Variants in NTRK3 observed in about 807,000 individuals in gnomAD.
The protein encoded by NTRK3 is neurotrophic receptor tyrosine kinase 3.
Under a neutral mutation model 91.7 loss-of-function variants are expected in NTRK3, and 24 were observed. The ratio of observed to expected loss-of-function variants is 0.26; its 90% CI spans 0.19 to 0.37. The LOEUF (loss-of-function observed/expected upper bound fraction) is 0.37. NTRK3 is among the 10% of genes least tolerant of loss of function. The pLI, the probability that NTRK3 is intolerant of heterozygous loss-of-function variation, is 1.00. For missense variants in NTRK3, 880 were observed against 1,068.9 expected, an observed-to-expected ratio of 0.82 and a Z score of 2.46; for synonymous variants, 483 against 404.0, an observed-to-expected ratio of 1.20 and a Z score of -2.34.
At chr15:87,930,879 C>CATGACTTGGCTTCTAGACA (rs2068736081) in intron 16 of NTRK3, among the ~76,000 whole-genome samples, 1 of 152,122 alleles carries the variant, frequency 6.6e-6, no homozygotes, top group Admixed American at 6.5e-5. Context: ...TTTAGAGAGA[C>CATGACTTGGCTTCTAGACA]TCCCCCATGC....
At chr15:87,869,965 T>C (rs1389940710) in exon 19 of NTRK3, 2 of 192,506 alleles carry the variant, frequency 1.0e-5, no homozygotes, top group Non-Finnish European at 2.2e-5. Flanking sequence ...CTTCAGTGTT[T>C]ACACGTCTTG....
intron 14 of NTRK3, among the ~76,000 whole-genome samples, chr15:88,005,810 A>G (rs751709408): frequency 1.3e-5 from 2 of 152,174 alleles, no homozygotes; most frequent in Non-Finnish European, 2.9e-5. Flanking sequence ...CCCCTTCAAC[A>G]AAGTTTTTAC....
At chr15:88,011,385 G>GT (rs2076870720) in intron 14 of NTRK3, among the ~76,000 whole-genome samples, 1 of 152,168 alleles carries the variant, frequency 6.6e-6, no homozygotes, top group African/African-American at 2.4e-5. Flanking sequence ...TAGTAAGTCT[G>GT]TAAGGACTTA....
rs145302188 is a variant in NTRK3, at chr15:88,017,782, C to G, written c.1585+15075G>C. ...ACCAGCCATGATTTAGTTAAAGCTCCTAAGTAACAAATCCCCACAAATCCC... is the reference window on the plus strand; with the variant it reads ...ACCAGCCATGATTTAGTTAAAGCTCGTAAGTAACAAATCCCCACAAATCCC... On this transcript the variant is annotated intron_variant, in intron 14 of 18. Transcript: ENST00000394480. Among the ~76,000 whole-genome samples, 33 of 152,274 alleles carry G rather than the reference C, an allele frequency of 2.2e-4. No individual in the cohort carries two copies. The East Asian group carries it at 4.4e-3, about 21-fold the overall frequency.
At chr15:87,939,018 A>C (rs1218144658) in intron 15 of NTRK3, among the ~76,000 whole-genome samples, 1 of 152,170 alleles carries the variant, frequency 6.6e-6, no homozygotes, top group Non-Finnish European at 1.5e-5. Context: ...ATTGGAAAAT[A>C]CCCGCCCTCA....
intron 14 of NTRK3, chr15:87,979,521 AC>A: frequency 8.4e-7 from 1 of 1,185,012 alleles, no homozygotes; most frequent in Non-Finnish European, 1.2e-6. Flanking sequence ...AAAAACCAAA[AC>A]CCCCAAAGAA....
chr15:87,925,294 C>A (rs2141872585), intron 17 of NTRK3, among the ~76,000 whole-genome samples: 1 of 152,250 alleles, frequency 6.6e-6, no homozygotes, highest in African/African-American at 2.4e-5. Context: ...CTGTATACCA[C>A]TTATGTATGA....
intron 10 of NTRK3, among the ~76,000 whole-genome samples, chr15:88,131,684 AG>A (rs2041367633): frequency 6.6e-6 from 1 of 152,262 alleles, no homozygotes; most frequent in Non-Finnish European, 1.5e-5. Context: ...TTCTCACGTT[AG>A]CCAAATGTTT....
At chr15:88,223,520 G>A (rs771335122) in intron 3 of NTRK3, among the ~76,000 whole-genome samples, 1 of 152,238 alleles carries the variant, frequency 6.6e-6, no homozygotes, top group Non-Finnish European at 1.5e-5. Flanking sequence ...AGCAGGGCCT[G>A]GGTATGCCCA....
chr15:87,922,258 G>C (rs1175160387), intron 17 of NTRK3, among the ~76,000 whole-genome samples: 1 of 152,194 alleles, frequency 6.6e-6, no homozygotes, highest in Non-Finnish European at 1.5e-5. Context: ...AGAACTCACT[G>C]GTCAAAAAGA....
chr15:88,101,929 A>C (rs1279501659), intron 13 of NTRK3, among the ~76,000 whole-genome samples: 1 of 152,170 alleles, frequency 6.6e-6, no homozygotes, highest in African/African-American at 2.4e-5. Flanking sequence ...TGACGAGTTA[A>C]TGGGTGCAGC....
chr15:88,082,347 A>T (rs942529438), intron 13 of NTRK3, among the ~76,000 whole-genome samples: 1 of 151,870 alleles, frequency 6.6e-6, no homozygotes, highest in Non-Finnish European at 1.5e-5. Flanking sequence ...GGAAGAAGAG[A>T]GAATGAATTT....
chr15:88,194,331 G>A (rs184770452), intron 3 of NTRK3, among the ~76,000 whole-genome samples: 8 of 152,312 alleles, frequency 5.3e-5, no homozygotes, highest in East Asian at 1.9e-4. Context: ...TCTGAGCGCC[G>A]TCCTTGTGCT....
At chr15:87,959,758 T>A (rs187352330) in intron 14 of NTRK3, among the ~76,000 whole-genome samples, 1 of 152,222 alleles carries the variant, frequency 6.6e-6, no homozygotes, top group Non-Finnish European at 1.5e-5. Context: ...CCACGGAATC[T>A]ACTGGAAAGC....
At chr15:87,954,673 G>A (rs1021327380) in intron 14 of NTRK3, among the ~76,000 whole-genome samples, 1 of 152,196 alleles carries the variant, frequency 6.6e-6, no homozygotes, top group Non-Finnish European at 1.5e-5. Flanking sequence ...AAAGTTTCTA[G>A]CTGGCCAGGG....
chr15:88,141,865 C>T (rs2042416760), intron 6 of NTRK3, among the ~76,000 whole-genome samples: 1 of 152,216 alleles, frequency 6.6e-6, no homozygotes, highest in African/African-American at 2.4e-5. Flanking sequence ...CATCCTTTCC[C>T]CCCAGGGTCC....
intron 14 of NTRK3, among the ~76,000 whole-genome samples, chr15:87,943,937 G>A (rs116157656): frequency 0.013 from 1,922 of 152,164 alleles, 45 homozygotes; most frequent in African/African-American, 0.044. Context: ...AGAAGCCTCC[G>A]TGGGCCAAAG....
rs2078714178 is a variant in NTRK3, at chr15:88,033,174, TGTTA to T, written c.1397-133_1397-130del. 3 of 266,636 alleles carry T rather than the reference TGTTA, an allele frequency of 1.1e-5. No individual in the cohort carries two copies. The African/African-American group carries it at 2.2e-4, about 19-fold the overall frequency. 16.5% of individuals were successfully genotyped at this position (266,636 alleles called of 1,614,324 possible). A position where few individuals can be genotyped will look rare whatever the true frequency, so the allele number is the denominator to read the frequency against. Reference sequence around the variant, plus strand: ...TTCTTTTTTTTACTTTTGGGGGGTGTGTTATATATATATATATATATATATATAT... The same window carrying T: ...TTCTTTTTTTTACTTTTGGGGGGTGTTATATATATATATATATATATATAT... On this transcript the variant is annotated intron_variant, in intron 13 of 18. Coordinates refer to ENST00000394480, the Ensembl canonical transcript of NTRK3.
intron 14 of NTRK3, among the ~76,000 whole-genome samples, chr15:88,025,852 G>C (rs530450983): frequency 6.6e-6 from 1 of 152,192 alleles, no homozygotes; most frequent in Non-Finnish European, 1.5e-5. Flanking sequence ...GTACTGCTCA[G>C]TGATAAAAAT....
Sources: gnomAD v4.1 joint callset for allele counts (sites outside exome capture counted in the v4.1 genomes callset) on GRCh38, gnomAD v4.1.1 for gene constraint, MANE v1.5 for transcripts, NCBI Gene and HGNC (gene_info 2026-07-23, HGNC 2026-07-21) for gene names.